The following CCND3 variants were observed in gnomAD, a reference collection of about 807,000 sequenced individuals.
CCND3 encodes G1/S-specific cyclin-D3.
In CCND3, 9 loss-of-function variants were observed where a neutral mutation model predicts 28.7. The ratio of observed to expected loss-of-function variants is 0.31; its 90% CI spans 0.19 to 0.55. CCND3 has a LOEUF of 0.55. CCND3 is among the 20% of genes least tolerant of loss of function. The pLI is 0.93. For synonymous variants in CCND3, 164 were observed against 163.9 expected (o/e 1.00, Z 0.00); for missense variants, 315 against 385.8 (o/e 0.82, Z 1.54).
intron 1 of CCND3, among the ~76,000 whole-genome samples, chr6:42,003,525 CAAAAAAAAAAAAAA>C (rs61494473): frequency 1.4e-5 from 1 of 73,520 alleles, no homozygotes; most frequent in African/African-American, 8.1e-5. Flanking sequence ...GACTCTGTCT[CAAAAAAAAAAAAAA>C]AAAAAAAAAA....
At position 41,936,834 on chromosome 6, in the gene CCND3, GC is replaced by G; in HGVS notation, c.575-140del. 1 of 799,562 alleles carries G rather than the reference GC, an allele frequency of 1.3e-6. No homozygotes were observed. The highest frequency in any genetic ancestry group is 2.0e-6 in the Non-Finnish European group (1 of 505,518). The allele number at this position is 799,562 out of a possible 1,614,324, so 49.5% of individuals were successfully genotyped here. On this transcript the variant is annotated intron_variant, in intron 3 of 4. Transcript: ENST00000372991. This position sits in a 1 kb window ranked among gnomAD's most constrained non-coding sequence, Gnocchi z 4.4. Reference sequence around the variant, plus strand: ...CTGGAAAACTCCAGCAGTGGGTGGGGCAAGATATCAGCAAGGGAGGAAGACA... The same window carrying G: ...CTGGAAAACTCCAGCAGTGGGTGGGGAAGATATCAGCAAGGGAGGAAGACA...
chr6:42,016,049 C>T (rs552258792), intron 1 of CCND3, among the ~76,000 whole-genome samples: 1 of 152,132 alleles, frequency 6.6e-6, no homozygotes, highest in South Asian at 2.1e-4. Flanking sequence ...AGAAATTCTG[C>T]CTCAGCCTCC....
chr6:42,040,070 C>T, intron 1 of CCND3, among the ~76,000 whole-genome samples: 1 of 152,198 alleles, frequency 6.6e-6, no homozygotes, highest in East Asian at 1.9e-4. Context: ...TCACACTTGC[C>T]CTGGTAGGTG....
chr6:41,949,374 G>A (rs1008458205), intron 1 of CCND3, among the ~76,000 whole-genome samples: 7 of 152,034 alleles, frequency 4.6e-5, no homozygotes, highest in African/African-American at 9.7e-5. Context: ...GCATGGTGAC[G>A]CACGCCTGTA....
intron 1 of CCND3, among the ~76,000 whole-genome samples, chr6:42,046,126 G>A (rs1462827086): frequency 2.0e-5 from 3 of 152,308 alleles, no homozygotes; most frequent in South Asian, 2.1e-4. Flanking sequence ...ACAGATGCAC[G>A]AAGTGCTTTG....
intron 1 of CCND3, among the ~76,000 whole-genome samples, chr6:41,960,295 T>C (rs1238422450): frequency 6.6e-6 from 1 of 152,118 alleles, no homozygotes; most frequent in East Asian, 1.9e-4. Context: ...AGGATGAAAA[T>C]GTTCTAAAAT....
intron 1 of CCND3, among the ~76,000 whole-genome samples, chr6:42,036,609 G>A (rs1764227568): frequency 6.6e-6 from 1 of 150,476 alleles, no homozygotes; most frequent in South Asian, 2.1e-4. Flanking sequence ...TTGCCATGTT[G>A]TCTAGGCTGG....
At chr6:41,945,384 G>A (rs1409965561), upstream of CCND3, among the ~76,000 whole-genome samples, 1 of 152,142 alleles carries the variant, frequency 6.6e-6, no homozygotes, top group Non-Finnish European at 1.5e-5. Context: ...GTGTGGTGGT[G>A]GATGCCTGTA....
intron 1 of CCND3, among the ~76,000 whole-genome samples, chr6:42,047,090 G>A (rs116555240): frequency 0.013 from 1,972 of 152,302 alleles, 51 homozygotes; most frequent in African/African-American, 0.043. Context: ...AAGAGTACCT[G>A]ACAGTGTTAT....
At chr6:42,047,395 C>T (rs1020547495) in intron 1 of CCND3, among the ~76,000 whole-genome samples, 3 of 152,200 alleles carry the variant, frequency 2.0e-5, no homozygotes, top group African/African-American at 4.8e-5. Flanking sequence ...CAGAATTGAA[C>T]GGCCAGAAGA....
At chr6:42,033,754 C>T (rs978747119) in intron 1 of CCND3, among the ~76,000 whole-genome samples, 3 of 150,578 alleles carry the variant, frequency 2.0e-5, no homozygotes, top group Admixed American at 6.7e-5. Flanking sequence ...GAGGCTGAGG[C>T]AGGAGAATCA....
At chr6:41,961,506 G>A (rs1761716041) in intron 1 of CCND3, among the ~76,000 whole-genome samples, 1 of 152,156 alleles carries the variant, frequency 6.6e-6, no homozygotes, top group Non-Finnish European at 1.5e-5. Context: ...GGCAGAGGTT[G>A]CAGTGAGCCG....
Position 41,998,374 on chromosome 6 carries a change from G to A in CCND3, c.-46+50127C>T, listed in dbSNP as rs62417421. 2.0e-3 allele frequency among the ~76,000 whole-genome samples: 283 copies of A among 140,926 alleles called. 1 individual carries two copies. The highest frequency in any genetic ancestry group is 7.3e-3 in the African/African-American group (274 of 37,422). The allele number at this position is 140,926 out of a possible 152,430, so 92.5% of individuals were successfully genotyped here. On this transcript the variant is annotated intron_variant, in intron 1 of 4. Coordinates refer to the CCND3 transcript ENST00000372988. ...ATTTTTTTTTTTTTTTTGAGACGAA[G>A]TCTTGCTTTTGTCCCCCAGGCTGAA...
chr6:42,000,237 T>G (rs932461772), intron 1 of CCND3, among the ~76,000 whole-genome samples: 1 of 62,814 alleles, frequency 1.6e-5, no homozygotes, highest in Non-Finnish European at 3.2e-5. Context: ...AAACATACTT[T>G]TTTTTTTTTT....
At chr6:42,026,032 T>G (rs2127434761) in intron 1 of CCND3, among the ~76,000 whole-genome samples, 2 of 152,284 alleles carry the variant, frequency 1.3e-5, no homozygotes, top group East Asian at 3.9e-4. Context: ...CTCTACTACG[T>G]ATGTTCCCCA....
intron 1 of CCND3, among the ~76,000 whole-genome samples, chr6:42,001,271 A>T (rs1408213648): frequency 7.1e-6 from 1 of 141,652 alleles, no homozygotes; most frequent in Non-Finnish European, 1.5e-5. Flanking sequence ...GTACCTCCCC[A>T]GAAGAAATGA....
intron 1 of CCND3, among the ~76,000 whole-genome samples, chr6:41,958,569 G>A (rs987323310): frequency 6.6e-6 from 1 of 152,114 alleles, no homozygotes; most frequent in Non-Finnish European, 1.5e-5. Flanking sequence ...ATAGTCTCCT[G>A]GGGGAATTTA....
chr6:41,958,983 AATAAAAAC>A (rs1300186560), intron 1 of CCND3, among the ~76,000 whole-genome samples: 2 of 152,228 alleles, frequency 1.3e-5, no homozygotes, highest in Non-Finnish European at 2.9e-5. Flanking sequence ...CACCATGAAA[AATAAAAAC>A]GTACATCCAC....
chr6:42,003,525 CAAAAAAAAAAAAA>C (rs61494473), intron 1 of CCND3, among the ~76,000 whole-genome samples: 1 of 73,516 alleles, frequency 1.4e-5, no homozygotes, highest in African/African-American at 8.1e-5. Flanking sequence ...GACTCTGTCT[CAAAAAAAAAAAAA>C]AAAAAAAAAA....
Sources: allele counts gnomAD v4.1 joint callset (sites outside exome capture counted in the v4.1 genomes callset), GRCh38; gene constraint gnomAD v4.1.1; non-coding constraint Gnocchi (gnomAD v3.1); transcripts MANE v1.5; gene names NCBI Gene and HGNC (gene_info 2026-07-23, HGNC 2026-07-21).